Variants in KAT6A observed in about 807,000 individuals in gnomAD.
KAT6A encodes lysine acetyltransferase 6A, also known as histone acetyltransferase KAT6A.
KAT6A carries 9 observed loss-of-function variants against 198.4 expected under a neutral mutation model. The ratio of observed to expected loss-of-function variants is 0.05; its 90% CI spans 0.03 to 0.08. The LOEUF (loss-of-function observed/expected upper bound fraction) is 0.08, where lower values mean the gene tolerates loss of function less well. KAT6A is among the 10% of genes least tolerant of loss of function. The pLI, the probability that KAT6A is intolerant of heterozygous loss-of-function variation, is 1.00. For missense variants in KAT6A, 2,077 were observed against 2,509.9 expected (o/e 0.83, Z 3.69); for synonymous variants, 890 against 883.0 (o/e 1.01, Z -0.14).
intron 7 of KAT6A, among the ~76,000 whole-genome samples, chr8:41,975,113 T>C (rs1266392878): frequency 6.6e-6 from 1 of 152,122 alleles, no homozygotes; most frequent in Non-Finnish European, 1.5e-5. Context: ...AAAAATGATA[T>C]AAGGAATATA....
chr8:41,998,737 CTT>C, intron 2 of KAT6A, among the ~76,000 whole-genome samples: 1 of 152,156 alleles, frequency 6.6e-6, no homozygotes, highest in East Asian at 1.9e-4. Flanking sequence ...ACTTTAATCT[CTT>C]TAAATTCTTC....
At chr8:41,970,598 T>G (rs1194611631) in intron 8 of KAT6A, among the ~76,000 whole-genome samples, 1 of 152,206 alleles carries the variant, frequency 6.6e-6, no homozygotes, top group Non-Finnish European at 1.5e-5. Flanking sequence ...AAGAAAGGCC[T>G]CGTTCTCACT....
At chr8:41,957,632 C>T (rs75878486) in intron 8 of KAT6A, 2,559 of 215,818 alleles carry the variant, frequency 0.012, 62 homozygotes, top group African/African-American at 0.054. Flanking sequence ...TAAAAGAAGA[C>T]GTATGTTCCA....
chr8:41,947,632 C>G, intron 11 of KAT6A, 119 bp downstream of exon 11: 1 of 764,788 alleles, frequency 1.3e-6, no homozygotes, highest in East Asian at 2.9e-5. Context: ...CTATTCTTTC[C>G]AAACAGCTAG....
chr8:41,940,849 T>G lies in KAT6A; in HGVS notation c.3032A>C (p.Lys1011Thr), dbSNP rs1822080060. ...SPPILTKPTL[K>T]RKKPFLHRRR... ...TGGAAAGAAATGCGTTACCTTTCGC[T>G]TCAGCGTGGGCTTTGTGAGAATTGG... is the stretch of plus-strand genomic sequence containing the variant. Residue 1011 changes from lysine to threonine, a missense_variant, in exon 15 of 17, where the codon AAG becomes ACG. By Grantham distance (78) the Lys-to-Thr change is moderately conservative. Around this residue, in one of 13 missense-constraint regions of KAT6A, gnomAD observed 301 missense variants for 272.2 expected, o/e 1.11. Transcript: ENST00000265713. 3 of 1,608,066 alleles carry G rather than the reference T, an allele frequency of 1.9e-6. No individual in the cohort carries two copies. Among genetic ancestry groups the G allele is most frequent in the Non-Finnish European group, 2.5e-6 (3 of 1,177,930 alleles).
intron 2 of KAT6A, among the ~76,000 whole-genome samples, chr8:42,038,304 C>T (rs959687480): frequency 6.6e-6 from 1 of 152,160 alleles, no homozygotes; most frequent in African/African-American, 2.4e-5. Context: ...AACCTTGATT[C>T]CTCTAACTTG....
At chr8:41,974,601 T>C (rs1016502880) in intron 8 of KAT6A, 103 bp downstream of exon 8, 5 of 687,746 alleles carry the variant, frequency 7.3e-6, no homozygotes, top group Non-Finnish European at 1.3e-5. Context: ...TATTCTGAGA[T>C]TAGGCAAACT....
At chr8:41,962,413 C>T (rs1823245495) in intron 8 of KAT6A, among the ~76,000 whole-genome samples, 5 of 152,106 alleles carry the variant, frequency 3.3e-5, no homozygotes, top group Admixed American at 2.6e-4. Flanking sequence ...ATGGCAACTC[C>T]GTCTTCCAAC....
At chr8:42,043,255 A>G (rs1007828199) in intron 2 of KAT6A, among the ~76,000 whole-genome samples, 3 of 152,226 alleles carry the variant, frequency 2.0e-5, no homozygotes, top group South Asian at 4.1e-4. Context: ...AGTAATATCT[A>G]TATTTCAAAA....
At chr8:41,994,537 G>A (rs1160701134) in intron 2 of KAT6A, among the ~76,000 whole-genome samples, 1 of 151,902 alleles carries the variant, frequency 6.6e-6, no homozygotes, top group African/African-American at 2.4e-5. Context: ...TACTCAGGAA[G>A]TCACCTTCTC....
chr8:42,043,655 T>C (rs987960660), intron 2 of KAT6A: 3 of 152,274 alleles, frequency 2.0e-5, no homozygotes, highest in East Asian at 1.9e-4. Flanking sequence ...CTTTAACAAT[T>C]AGGAAATGTG....
intron 2 of KAT6A, among the ~76,000 whole-genome samples, chr8:42,025,063 C>A (rs575180613): frequency 2.6e-5 from 4 of 152,248 alleles, no homozygotes; most frequent in South Asian, 2.1e-4. Flanking sequence ...ATTCTCACAA[C>A]GATGTATAAG....
At chr8:41,947,624 A>G (rs1487733564) in intron 11 of KAT6A, 127 bp downstream of exon 11, 2 of 710,762 alleles carry the variant, frequency 2.8e-6, no homozygotes, top group African/African-American at 1.8e-5. Flanking sequence ...TGTTCCTTCT[A>G]TTCTTTCCAA....
chr8:42,029,711 G>T (rs1827012286), intron 2 of KAT6A, among the ~76,000 whole-genome samples: 1 of 151,478 alleles, frequency 6.6e-6, no homozygotes, highest in Non-Finnish European at 1.5e-5. Context: ...TCCCGCCTTG[G>T]TCTCCCAAAA....
At chr8:41,950,634 T>C (rs1037020274) in intron 9 of KAT6A, among the ~76,000 whole-genome samples, 1 of 151,778 alleles carries the variant, frequency 6.6e-6, no homozygotes, top group African/African-American at 2.4e-5. Context: ...ACCTAAAAAA[T>C]TTTGTGCTTT....
In KAT6A at chr8:42,048,412, G is replaced by T; in HGVS notation, c.566C>A (p.Pro189His). 6.2e-7 allele frequency: 1 copy of T among 1,614,056 alleles called. No individual in the cohort carries two copies. Among genetic ancestry groups the T allele is most frequent in the Non-Finnish European group, 8.5e-7 (1 of 1,179,940 alleles). The stretch of plus-strand genomic sequence containing the variant: ...TTCATGTGGAAGAAGGGACACTGGA[G>T]GTAAACAGGAAAGAGACTCACAACT... ...KESCESLSCL[P>H]PVSLLPHEKD... Residue 189 changes from proline (P) to histidine (H), a missense_variant, in exon 2 of 17, where the codon CCT (proline) becomes CAT (histidine). Physicochemically the swap from Pro to His is moderately conservative, Grantham distance 77. Around this residue, in one of 13 missense-constraint regions of KAT6A, gnomAD observed 185 missense variants for 185.7 expected, o/e 1.00. Coordinates refer to ENST00000265713, the MANE Select transcript of KAT6A (RefSeq NM_006766.5).
chr8:41,959,872 C>T (rs1227102055), intron 8 of KAT6A, among the ~76,000 whole-genome samples: 1 of 151,944 alleles, frequency 6.6e-6, no homozygotes, highest in Non-Finnish European at 1.5e-5. Context: ...AGAAGAAACA[C>T]TTGAACCCGG....
At chr8:42,020,189 T>G (rs1564069706) in intron 2 of KAT6A, among the ~76,000 whole-genome samples, 1 of 152,230 alleles carries the variant, frequency 6.6e-6, no homozygotes, top group Admixed American at 6.5e-5. Flanking sequence ...AAAGTCTTTC[T>G]GGAACACACA....
intron 15 of KAT6A, among the ~76,000 whole-genome samples, chr8:41,938,944 T>A (rs573199108): frequency 1.9e-5 from 2 of 104,404 alleles, no homozygotes; most frequent in African/African-American, 4.1e-5. Context: ...TAAGACCCCA[T>A]CTGGGGAAGG....
Sources: gnomAD v4.1 joint callset for allele counts (sites outside exome capture counted in the v4.1 genomes callset) on GRCh38, gnomAD v4.1.1 for gene constraint, gnomAD v4.1.1 regional missense constraint, MANE v1.5 for transcripts, NCBI Gene and HGNC (gene_info 2026-07-23, HGNC 2026-07-21) for gene names.